The following SLC24A2 variants were observed in gnomAD, a reference collection of about 807,000 sequenced individuals.
SLC24A2 encodes the protein solute carrier family 24 member 2.
In SLC24A2, 36 loss-of-function variants were observed where a neutral mutation model predicts 62.0. That is an observed-to-expected ratio of 0.58 (90% confidence interval 0.44 to 0.77). The LOEUF (loss-of-function observed/expected upper bound fraction) is 0.77, where lower values mean the gene tolerates loss of function less well. SLC24A2 is among the 30% of genes least tolerant of loss of function. SLC24A2 has a pLI of 0.00. For synonymous variants in SLC24A2, 358 were observed against 294.0 expected (o/e 1.22, Z -2.23); for missense variants, 846 against 817.9 (o/e 1.03, Z -0.42).
chr9:20,228,571 G>A, the SLC24A2 span, among the ~76,000 whole-genome samples: 2 of 152,148 alleles, frequency 1.3e-5, no homozygotes, highest in Non-Finnish European at 2.9e-5. Flanking sequence ...GCTGTAGGGT[G>A]GGTGCATTGG....
At chr9:19,691,706 C>A (rs183364955) in intron 2 of SLC24A2, among the ~76,000 whole-genome samples, 3 of 152,132 alleles carry the variant, frequency 2.0e-5, no homozygotes, top group Non-Finnish European at 4.4e-5. Context: ...AGCATATAAT[C>A]ATTAAAAATG....
At chr9:19,767,527 C>A (rs1323605803) in intron 2 of SLC24A2, among the ~76,000 whole-genome samples, 1 of 152,140 alleles carries the variant, frequency 6.6e-6, no homozygotes, top group African/African-American at 2.4e-5. Context: ...ACAGCACAGT[C>A]CCTCATGGCT....
At chr9:20,213,208 C>G in the SLC24A2 span, among the ~76,000 whole-genome samples, 1 of 151,710 alleles carries the variant, frequency 6.6e-6, no homozygotes. Flanking sequence ...ATAAATTCCA[C>G]CCATTTGGAA....
At chr9:20,183,806 T>C in the SLC24A2 span, among the ~76,000 whole-genome samples, 2 of 152,162 alleles carry the variant, frequency 1.3e-5, no homozygotes, top group Admixed American at 1.3e-4. Context: ...AAGGGTCAAG[T>C]AGCCCCAGAT....
At chr9:20,082,394 T>C in the SLC24A2 span, among the ~76,000 whole-genome samples, 1 of 152,246 alleles carries the variant, frequency 6.6e-6, no homozygotes, top group African/African-American at 2.4e-5. Flanking sequence ...AGGATCCACA[T>C]GACCCTCTTC....
At chr9:20,174,043 C>A in the SLC24A2 span, among the ~76,000 whole-genome samples, 1 of 151,888 alleles carries the variant, frequency 6.6e-6, no homozygotes, top group Non-Finnish European at 1.5e-5. Context: ...AGAAATAAAC[C>A]GAAATACTTA....
At chr9:20,119,026 T>C in the SLC24A2 span, among the ~76,000 whole-genome samples, 1 of 152,290 alleles carries the variant, frequency 6.6e-6, no homozygotes, top group African/African-American at 2.4e-5. Context: ...GAGGTCCACA[T>C]GGCAAAGAAT....
chr9:19,729,318 C>A (rs1296511962), intron 2 of SLC24A2, among the ~76,000 whole-genome samples: 1 of 152,108 alleles, frequency 6.6e-6, no homozygotes, highest in Non-Finnish European at 1.5e-5. Context: ...GGAGGTTCCT[C>A]CAAAAACTAC....
the SLC24A2 span, among the ~76,000 whole-genome samples, chr9:20,237,524 G>C: frequency 6.6e-6 from 1 of 152,310 alleles, no homozygotes; most frequent in East Asian, 1.9e-4. Flanking sequence ...AAGAAACTTG[G>C]AAGGATACTG....
intron 4 of SLC24A2, among the ~76,000 whole-genome samples, chr9:19,609,493 A>G (rs769822703): frequency 1.3e-5 from 2 of 152,240 alleles, no homozygotes; most frequent in Non-Finnish European, 2.9e-5. Context: ...GTTGGACACT[A>G]GGACTGGGAT....
At chr9:20,022,958 G>C in the SLC24A2 span, among the ~76,000 whole-genome samples, 1 of 152,222 alleles carries the variant, frequency 6.6e-6, no homozygotes, top group East Asian at 1.9e-4. Context: ...TGGTCATGAA[G>C]AAGGTGGGGA....
At chr9:20,071,915 G>A in the SLC24A2 span, among the ~76,000 whole-genome samples, 3 of 152,054 alleles carry the variant, frequency 2.0e-5, no homozygotes, top group Non-Finnish European at 4.4e-5. Flanking sequence ...TTGGCTGACT[G>A]ATTTATCATG....
the SLC24A2 span, among the ~76,000 whole-genome samples, chr9:19,931,100 T>C: frequency 6.6e-6 from 1 of 152,162 alleles, no homozygotes; most frequent in South Asian, 2.1e-4. Flanking sequence ...AAGCAAAACC[T>C]CATTAAACAA....
chr9:19,992,218 G>A, the SLC24A2 span, among the ~76,000 whole-genome samples: 4 of 152,204 alleles, frequency 2.6e-5, no homozygotes, highest in South Asian at 2.1e-4. Context: ...TATACCGGGG[G>A]GATGTCCAAT....
chr9:19,848,563 C>T, the SLC24A2 span, among the ~76,000 whole-genome samples: 1 of 152,196 alleles, frequency 6.6e-6, no homozygotes, highest in Non-Finnish European at 1.5e-5. Context: ...GTATGTAAAG[C>T]ACTTAGGATG....
At chr9:20,261,990 G>A in the SLC24A2 span, among the ~76,000 whole-genome samples, 22 of 151,862 alleles carry the variant, frequency 1.4e-4, no homozygotes, top group African/African-American at 4.4e-4. Flanking sequence ...CGCCTGCCTC[G>A]GCCTCCCAAA....
chr9:19,700,541 A>G (rs1322860213), intron 2 of SLC24A2, among the ~76,000 whole-genome samples: 1 of 152,202 alleles, frequency 6.6e-6, no homozygotes, highest in Non-Finnish European at 1.5e-5. Context: ...GGGAAAATCA[A>G]TGTGAGGACT....
the SLC24A2 span, among the ~76,000 whole-genome samples, chr9:20,245,851 C>T: frequency 6.6e-6 from 1 of 152,098 alleles, no homozygotes; most frequent in South Asian, 2.1e-4. Flanking sequence ...CATGCTAATC[C>T]TTATTTAACC....
chr9:19,767,494 T>C (rs541461493), intron 2 of SLC24A2, among the ~76,000 whole-genome samples: 2 of 152,334 alleles, frequency 1.3e-5, no homozygotes, highest in East Asian at 1.9e-4. Flanking sequence ...GGGTCGTATC[T>C]GGGCCAGATA....
Sources: allele counts gnomAD v4.1 joint callset (sites outside exome capture counted in the v4.1 genomes callset), GRCh38; gene constraint gnomAD v4.1.1; transcripts MANE v1.5; gene names NCBI Gene and HGNC (gene_info 2026-07-23, HGNC 2026-07-21).